Variants in DZIP3 observed in about 807,000 individuals in gnomAD.
The protein encoded by DZIP3 is DAZ interacting zinc finger protein 3.
Under a neutral mutation model 162.0 loss-of-function variants are expected in DZIP3, and 118 were observed. The ratio of observed to expected loss-of-function variants is 0.73; its 90% CI spans 0.63 to 0.85. DZIP3 has a LOEUF of 0.85. Among genes scored for constraint, DZIP3 ranks in the 40% least tolerant of loss-of-function variants. DZIP3 has a pLI of 0.00. For missense variants in DZIP3, 1,331 were observed against 1,407.0 expected, an observed-to-expected ratio of 0.95 and a Z score of 0.86; for synonymous variants, 438 against 458.6, an observed-to-expected ratio of 0.96 and a Z score of 0.57.
chr3:108,682,964 C>A (rs1219581705), intron 26 of DZIP3, among the ~76,000 whole-genome samples: 1 of 150,738 alleles, frequency 6.6e-6, no homozygotes, highest in Non-Finnish European at 1.5e-5. Flanking sequence ...ACTCAGTACC[C>A]ACCATTCATT....
intron 1 of DZIP3, among the ~76,000 whole-genome samples, chr3:108,604,700 A>G (rs950116167): frequency 7.2e-5 from 11 of 152,336 alleles, no homozygotes; most frequent in African/African-American, 2.2e-4. Flanking sequence ...TTGGGGAAAA[A>G]GTAGCTACAT....
intron 1 of DZIP3, among the ~76,000 whole-genome samples, chr3:108,602,513 T>C (rs910244236): frequency 6.6e-6 from 1 of 152,162 alleles, no homozygotes; most frequent in African/African-American, 2.4e-5. Flanking sequence ...AGGACCTAAA[T>C]AGATTTCTGG....
chr3:108,631,055 A>ACACACACACTCTCTCT, intron 8 of DZIP3, among the ~76,000 whole-genome samples: 31 of 18,014 alleles, frequency 1.7e-3, no homozygotes, highest in South Asian at 2.3e-3. Context: ...ACACACACAC[A>ACACACACACTCTCTCT]CTCTCTCTCT....
chr3:108,644,530 T>C lies in DZIP3; in HGVS notation c.1508T>C (p.Leu503Pro). The C allele has an allele frequency of 6.2e-7, 1 of 1,614,162 alleles. No homozygotes were observed. The highest frequency in any genetic ancestry group is 1.1e-5 in the South Asian group (1 of 91,078). ...SSDISKSADI[L>P]RLCKYRDILL... The stretch of plus-strand genomic sequence containing the variant: ...GACATCTCTAAATCTGCAGACATCC[T>C]GAGACTGTGCAAATACAGGGATATC... The change falls in exon 14 of 33, where the codon CTG (leucine) becomes CCG (proline). Residue 503 changes from leucine (L) to proline (P), a missense_variant. Transcript: ENST00000361582.
chr3:108,633,609 T>G (rs1417953001), intron 9 of DZIP3, among the ~76,000 whole-genome samples: 1 of 149,650 alleles, frequency 6.7e-6, no homozygotes, highest in African/African-American at 2.5e-5. Flanking sequence ...TTCTGATAGA[T>G]CTCTCTCTCT....
intron 21 of DZIP3, among the ~76,000 whole-genome samples, chr3:108,665,816 G>A (rs780373269): frequency 1.3e-5 from 2 of 152,022 alleles, no homozygotes; most frequent in Admixed American, 6.6e-5. Flanking sequence ...TTCAATTACC[G>A]AAAGAAAAGA....
intron 26 of DZIP3, among the ~76,000 whole-genome samples, chr3:108,678,234 T>C (rs1388782235): frequency 1.3e-5 from 2 of 151,556 alleles, no homozygotes; most frequent in Admixed American, 6.6e-5. Context: ...AGCTTGGGGC[T>C]CCCACTAATT....
chr3:108,623,068 G>A (rs1057166337), intron 5 of DZIP3, among the ~76,000 whole-genome samples: 1 of 151,892 alleles, frequency 6.6e-6, no homozygotes, highest in African/African-American at 2.4e-5. Flanking sequence ...TCTGAGCAGT[G>A]CGTTTCTCTC....
At position 108,687,761 on chromosome 3, in the gene DZIP3, G is replaced by A. The variant is rs551829936; in HGVS notation, c.3150-215G>A. 1.3e-3 allele frequency among the ~76,000 whole-genome samples: 194 copies of A among 152,238 alleles called. 1 individual carries two copies. In the Middle Eastern group the frequency reaches 0.014, roughly 11 times the overall value. On this transcript the variant is annotated intron_variant, in intron 28 of 32. Coordinates refer to ENST00000361582, the MANE Select transcript of DZIP3 (RefSeq NM_014648.4). ...ACTTTATCACTCATGAAAACATTAA[G>A]TATCATTAATGAACACAATTAGGAG...
intron 1 of DZIP3, among the ~76,000 whole-genome samples, chr3:108,591,343 G>C (rs1029348331): frequency 2.0e-5 from 3 of 152,232 alleles, no homozygotes; most frequent in Admixed American, 2.0e-4. Flanking sequence ...AGTTCTCAGT[G>C]TTACAGTCAG....
chr3:108,591,277 G>A (rs1939399141), intron 1 of DZIP3, among the ~76,000 whole-genome samples: 1 of 152,244 alleles, frequency 6.6e-6, no homozygotes, highest in Admixed American at 6.5e-5. Flanking sequence ...ATACGGTCTT[G>A]GAGATGGTTA....
chr3:108,603,123 T>A (rs2107467960), intron 1 of DZIP3: 1 of 152,286 alleles, frequency 6.6e-6, no homozygotes, highest in East Asian at 1.9e-4. Context: ...TGCAAACAGC[T>A]ACTGGCCAAA....
At position 108,692,737 on chromosome 3, in the gene DZIP3, G is replaced by C. The variant is rs531232225; in HGVS notation, c.*7-623G>C. On this transcript the variant is annotated intron_variant, in intron 32 of 32. Coordinates refer to ENST00000361582, the MANE Select transcript of DZIP3 (RefSeq NM_014648.4). ...AACAGGTTTGCGATGGGTCCAGATA[G>C]TTTACTTTTCCAAGTTTACTAACAA... Among the ~76,000 whole-genome samples the C allele has an allele frequency of 2.9e-4, 44 of 152,120 alleles. 1 individual carries two copies. In the South Asian group the frequency reaches 4.4e-3, roughly 15 times the overall value.
At chr3:108,671,973 CA>C (rs1327750271) in intron 22 of DZIP3, among the ~76,000 whole-genome samples, 4 of 151,876 alleles carry the variant, frequency 2.6e-5, no homozygotes, top group Non-Finnish European at 5.9e-5. Flanking sequence ...TTGTATCTCT[CA>C]CAGTTCTGGA....
chr3:108,625,806 A>G, intron 6 of DZIP3, 39 bp from the exon 7 acceptor site: 1 of 1,510,030 alleles, frequency 6.6e-7, no homozygotes, highest in South Asian at 1.4e-5. Flanking sequence ...AAAAAAAATG[A>G]CTTTTACAGT....
At chr3:108,651,982 GTTCATCATTTAAGTTGTGTTTTCACT>G (rs2107232739) in intron 18 of DZIP3, among the ~76,000 whole-genome samples, 1 of 151,922 alleles carries the variant, frequency 6.6e-6, no homozygotes, top group African/African-American at 2.4e-5. Context: ...ATATAAAATA[GTTCATCATTTAAGTTGTGTTTTCACT>G]TTCTTTGGCA....
chr3:108,686,706 T>C, intron 28 of DZIP3, 122 bp downstream of exon 28: 1 of 1,194,360 alleles, frequency 8.4e-7, no homozygotes, highest in Non-Finnish European at 1.1e-6. Context: ...AGATGTTTCC[T>C]TACCTTGACC....
At chr3:108,667,782 AT>A (rs1191303982) in intron 21 of DZIP3, among the ~76,000 whole-genome samples, 109 of 152,260 alleles carry the variant, frequency 7.2e-4, no homozygotes, top group Non-Finnish European at 5.9e-5. Context: ...CTTAGTGGAA[AT>A]TTTGTAGGGT....
chr3:108,616,612 A>C lies in DZIP3; in HGVS notation c.330A>C (p.Thr110=). 1 of 1,610,508 alleles carries C rather than the reference A, an allele frequency of 6.2e-7. No homozygotes were observed. Among genetic ancestry groups the C allele is most frequent in the Non-Finnish European group, 8.5e-7 (1 of 1,178,422 alleles). Residue 110 remains threonine, a synonymous_variant, in exon 5 of 33, where the codon ACA becomes ACC. Transcript: ENST00000361582. ...VPALTLRFLI[T]QLEAALRNIQ... is the part of the protein sequence containing the mutation. ...CTTTGACTTTACGTTTCTTGATTAC[A>C]CAGCTAGAAGCAGCACTTAGGAACA...
Sources: allele counts gnomAD v4.1 joint callset (sites outside exome capture counted in the v4.1 genomes callset), GRCh38; gene constraint gnomAD v4.1.1; transcripts MANE v1.5; gene names NCBI Gene and HGNC (gene_info 2026-07-23, HGNC 2026-07-21).